The following GADL1 variants were observed in gnomAD, a reference collection of about 807,000 sequenced individuals.
The protein encoded by GADL1 is GAD like acidic amino acid decarboxylase 1, also known as acidic amino acid decarboxylase GADL1.
GADL1 carries 71 observed loss-of-function variants against 69.5 expected under a neutral mutation model. The ratio of observed to expected loss-of-function variants is 1.02; its 90% CI spans 0.84 to 1.25. The LOEUF is 1.25. GADL1 is among the 50% of genes most tolerant of loss of function. The pLI is 0.00. For missense variants in GADL1, 737 were observed against 631.8 expected, an observed-to-expected ratio of 1.17 and a Z score of -1.79; for synonymous variants, 254 against 214.4, an observed-to-expected ratio of 1.18 and a Z score of -1.62.
chr3:30,825,599 C>A (rs2125519746), intron 11 of GADL1, among the ~76,000 whole-genome samples: 1 of 152,002 alleles, frequency 6.6e-6, no homozygotes, highest in East Asian at 1.9e-4. Context: ...ATGATTTATT[C>A]CAAGAACTCA....
At chr3:30,773,164 A>C (rs1406666740) in intron 14 of GADL1, among the ~76,000 whole-genome samples, 2 of 152,240 alleles carry the variant, frequency 1.3e-5, no homozygotes, top group African/African-American at 4.8e-5. Flanking sequence ...TTAATATTTA[A>C]AACCTTAAAA....
chr3:30,784,733 A>G (rs1338709588), intron 13 of GADL1, among the ~76,000 whole-genome samples: 5 of 152,132 alleles, frequency 3.3e-5, no homozygotes, highest in African/African-American at 1.2e-4. Flanking sequence ...TCATGACATC[A>G]AGAATAATCT....
rs1698136863 is a variant in GADL1, at chr3:30,850,913, G to GAA, written c.455_456dup (p.Leu153PhefsTer3). On this transcript the variant is annotated frameshift_variant, in exon 5 of 15. Transcript: ENST00000282538. LOFTEE classifies it high-confidence loss of function. ...TTCAGAACCGCTTCTTCCACTAACA[G>GAA]AAACACTGGGGACACCTCATACGTA... The GAA allele has an allele frequency of 6.5e-7, 1 of 1,548,376 alleles. No homozygotes were observed. The highest frequency in any genetic ancestry group is 8.7e-7 in the Non-Finnish European group (1 of 1,144,242).
In GADL1 at chr3:30,883,392, T is replaced by C. The variant is rs1026509606; in HGVS notation, c.37+11186A>G. Among the ~76,000 whole-genome samples the C allele has an allele frequency of 2.6e-5, 4 of 152,128 alleles. No individual in the cohort carries two copies. In the South Asian group the frequency reaches 6.2e-4, roughly 24 times the overall value. ...GATATTCAGTATTCCCAGCACCATT[T>C]ATTGAAGAGACTGTTCTTTCTCCAT... is the stretch of plus-strand genomic sequence containing the variant. On this transcript the variant is annotated intron_variant, in intron 1 of 14. Coordinates refer to ENST00000282538, the MANE Select transcript of GADL1 (RefSeq NM_207359.3).
intron 12 of GADL1, among the ~76,000 whole-genome samples, chr3:30,791,895 T>C (rs1696928696): frequency 6.6e-6 from 1 of 152,168 alleles, no homozygotes; most frequent in Non-Finnish European, 1.5e-5. Flanking sequence ...CCCCTGCAGA[T>C]GCTCTTACCT....
chr3:30,857,236 G>C (rs1559362701), intron 2 of GADL1, 95 bp from the exon 3 acceptor site: 3 of 1,036,928 alleles, frequency 2.9e-6, no homozygotes, highest in Non-Finnish European at 4.2e-6. Flanking sequence ...AAAGCTTCTG[G>C]GCAGCGGGTG....
At chr3:30,853,465 T>C (rs894243218) in intron 4 of GADL1, among the ~76,000 whole-genome samples, 6 of 152,200 alleles carry the variant, frequency 3.9e-5, no homozygotes, top group African/African-American at 1.4e-4. Flanking sequence ...AGTTTATACC[T>C]TTCATATAGA....
At chr3:30,873,950 T>C (rs1203567625) in intron 1 of GADL1, among the ~76,000 whole-genome samples, 1 of 151,918 alleles carries the variant, frequency 6.6e-6, no homozygotes, top group Non-Finnish European at 1.5e-5. Flanking sequence ...TTACTAAATG[T>C]GATTGGAAAG....
At chr3:30,807,470 CT>C (rs549127049) in intron 11 of GADL1, among the ~76,000 whole-genome samples, 1 of 152,290 alleles carries the variant, frequency 6.6e-6, no homozygotes, top group African/African-American at 2.4e-5. Flanking sequence ...TGGATCCTGA[CT>C]TAATTAAGCT....
intron 1 of GADL1, among the ~76,000 whole-genome samples, chr3:30,883,246 T>C (rs1698664678): frequency 6.6e-6 from 1 of 151,994 alleles, no homozygotes; most frequent in Non-Finnish European, 1.5e-5. Flanking sequence ...TAAGGCTTTC[T>C]CTTTTTGTTT....
intron 1 of GADL1, among the ~76,000 whole-genome samples, chr3:30,867,064 T>C (rs1698414455): frequency 6.6e-6 from 1 of 152,136 alleles, no homozygotes; most frequent in East Asian, 1.9e-4. Context: ...ACAACCTCTC[T>C]GTGCCTGTTT....
chr3:30,774,224 C>T (rs1365749328), intron 14 of GADL1, among the ~76,000 whole-genome samples: 1 of 152,024 alleles, frequency 6.6e-6, no homozygotes, highest in African/African-American at 2.4e-5. Context: ...TGTCAGCTGC[C>T]CTGCACTGTG....
At chr3:30,823,006 G>A (rs1256300555) in intron 11 of GADL1, among the ~76,000 whole-genome samples, 1 of 151,892 alleles carries the variant, frequency 6.6e-6, no homozygotes, top group Admixed American at 6.6e-5. Flanking sequence ...TCAGAACGTG[G>A]CACATATCAA....
chr3:30,852,948 C>A (rs1409193733), intron 4 of GADL1, among the ~76,000 whole-genome samples: 1 of 152,156 alleles, frequency 6.6e-6, no homozygotes, highest in African/African-American at 2.4e-5. Context: ...CTGCTGTCAT[C>A]ACTCCATCAA....
In GADL1 at chr3:30,882,630, G is replaced by A. The variant is rs150120624; in HGVS notation, c.37+11948C>T. On this transcript the variant is annotated intron_variant, in intron 1 of 14. Coordinates refer to ENST00000282538, the MANE Select transcript of GADL1 (RefSeq NM_207359.3). ...CGTGAATAGTGCTTCTATGAACATT[G>A]GTGTGCAAATATCTCTTTACCCTGT... Among the ~76,000 whole-genome samples, 173 of 151,956 alleles carry A rather than the reference G, an allele frequency of 1.1e-3. 1 individual carries two copies. Among genetic ancestry groups the A allele is most frequent in the African/African-American group, 4.0e-3 (167 of 41,508 alleles).
intron 14 of GADL1, among the ~76,000 whole-genome samples, chr3:30,736,256 A>G (rs2125470778): frequency 6.6e-6 from 1 of 152,236 alleles, no homozygotes; most frequent in East Asian, 1.9e-4. Flanking sequence ...TATGGATTAG[A>G]CCGACCATAC....
At chr3:30,864,808 C>A (rs1698373803) in intron 1 of GADL1, among the ~76,000 whole-genome samples, 1 of 151,964 alleles carries the variant, frequency 6.6e-6, no homozygotes, top group Non-Finnish European at 1.5e-5. Context: ...TGCTTTTCAT[C>A]ACCCCCACTT....
chr3:30,868,319 G>A (rs1698433030), intron 1 of GADL1, among the ~76,000 whole-genome samples: 2 of 152,012 alleles, frequency 1.3e-5, no homozygotes, highest in African/African-American at 4.8e-5. Context: ...TATAAAATGA[G>A]GCATCTCACA....
chr3:30,848,575 A>C (rs1175357400), intron 6 of GADL1, among the ~76,000 whole-genome samples: 2 of 152,068 alleles, frequency 1.3e-5, no homozygotes, highest in Non-Finnish European at 1.5e-5. Context: ...GTAAGAAGCT[A>C]AACTCATTCT....
Sources: gnomAD v4.1 joint callset for allele counts (sites outside exome capture counted in the v4.1 genomes callset) on GRCh38, gnomAD v4.1.1 for gene constraint, MANE v1.5 for transcripts, NCBI Gene and HGNC (gene_info 2026-07-23, HGNC 2026-07-21) for gene names.